Variants in RAB3IP observed in about 807,000 individuals in gnomAD.
The protein encoded by RAB3IP is rab-3A-interacting protein.
RAB3IP carries 36 observed loss-of-function variants against 59.1 expected under a neutral mutation model. The ratio of observed to expected loss-of-function variants is 0.61; its 90% CI spans 0.47 to 0.80. The LOEUF is 0.80. Among genes scored for constraint, RAB3IP ranks in the 30% least tolerant of loss-of-function variants. The pLI, the probability that RAB3IP is intolerant of heterozygous loss-of-function variation, is 0.00. For synonymous variants in RAB3IP, 207 were observed against 191.2 expected (o/e 1.08, Z -0.68); for missense variants, 511 against 536.0 (o/e 0.95, Z 0.46).
Position 69,812,792 on chromosome 12 carries a change from C to T in RAB3IP, c.1145C>T (p.Thr382Ile), listed in dbSNP as rs931084273. ...TTATTTCACAGAAAATGTGCTCTCA[C>T]TGGCCAGAGTAAGTCCTGTAAACAC... The part of the protein sequence containing the change: ...ECGGPKKCAL[T>I]GQSKSCKHRI... The change falls in exon 9 of 11, where the codon ACT (threonine) becomes ATT (isoleucine). Residue 382 changes from threonine (T) to isoleucine (I), a missense_variant. Physicochemically the swap from Thr to Ile is moderately conservative, Grantham distance 89. Transcript: ENST00000247833. 2 of 1,607,942 alleles carry T rather than the reference C, an allele frequency of 1.2e-6. No homozygotes were observed. Among genetic ancestry groups the T allele is most frequent in the Non-Finnish European group, 1.7e-6 (2 of 1,176,906 alleles).
chr12:69,782,371 A>ATC, intron 3 of RAB3IP, among the ~76,000 whole-genome samples: 1 of 152,026 alleles, frequency 6.6e-6, no homozygotes, highest in Non-Finnish European at 1.5e-5. Context: ...CACCATGTTG[A>ATC]TCAAGCTGGT....
At chr12:69,812,402 G>T (rs1008330180) in intron 8 of RAB3IP, 2 of 179,602 alleles carry the variant, frequency 1.1e-5, no homozygotes, top group Non-Finnish European at 2.3e-5. Context: ...CATGCTTTGA[G>T]ACTTGAACAG....
intron 4 of RAB3IP, among the ~76,000 whole-genome samples, chr12:69,790,050 G>A (rs1377984131): frequency 1.3e-5 from 2 of 152,060 alleles, no homozygotes; most frequent in African/African-American, 4.8e-5. Flanking sequence ...CACCATTTCT[G>A]TACAGCACAG....
chr12:69,760,691 AT>A (rs879871859), intron 3 of RAB3IP, among the ~76,000 whole-genome samples: 1,698 of 145,558 alleles, frequency 0.012, 28 homozygotes, highest in African/African-American at 0.037. Flanking sequence ...AAGATTGATA[AT>A]TTTTTTTTTT....
chr12:69,759,375 G>A (rs1195615352), intron 3 of RAB3IP, among the ~76,000 whole-genome samples: 1 of 152,118 alleles, frequency 6.6e-6, no homozygotes, highest in African/African-American at 2.4e-5. Flanking sequence ...AGTCTCCTAT[G>A]TCTACTTCTT....
At chr12:69,806,371 T>G (rs1438726047) in intron 8 of RAB3IP, among the ~76,000 whole-genome samples, 1 of 152,164 alleles carries the variant, frequency 6.6e-6, no homozygotes, top group Non-Finnish European at 1.5e-5. Context: ...ATTGCACCTA[T>G]TTGATTCTTC....
chr12:69,754,733 A>G (rs1260181974), intron 1 of RAB3IP, among the ~76,000 whole-genome samples: 2 of 152,234 alleles, frequency 1.3e-5, no homozygotes, highest in East Asian at 1.9e-4. Flanking sequence ...CATGTTGTAC[A>G]TGATAAATAC....
intron 8 of RAB3IP, among the ~76,000 whole-genome samples, chr12:69,804,699 C>T (rs971015761): frequency 3.3e-5 from 5 of 151,882 alleles, no homozygotes; most frequent in Non-Finnish European, 7.4e-5. Context: ...GATCCAGTTT[C>T]AGCTTTCTAC....
intron 1 of RAB3IP, among the ~76,000 whole-genome samples, chr12:69,752,859 T>G (rs1395272336): frequency 6.6e-6 from 1 of 152,228 alleles, no homozygotes; most frequent in East Asian, 1.9e-4. Context: ...TGAAAATGAA[T>G]TATGTACTTT....
intron 7 of RAB3IP, among the ~76,000 whole-genome samples, chr12:69,801,178 C>T (rs963477828): frequency 9.2e-5 from 14 of 152,144 alleles, no homozygotes; most frequent in Admixed American, 7.2e-4. Context: ...TAGACTCACT[C>T]TTGTGCACAT....
rs1319249010 is a variant in RAB3IP, at chr12:69,821,989, C to T, written c.*6543C>T. 1.3e-5 allele frequency: 2 copies of T among 152,182 alleles called. No homozygotes were observed. Among genetic ancestry groups the T allele is most frequent in the East Asian group, 3.9e-4 (2 of 5,186 alleles). 9.4% of individuals were successfully genotyped at this position (152,182 alleles called of 1,614,324 possible). A position where few individuals can be genotyped will look rare whatever the true frequency, so the allele number is the denominator to read the frequency against. On this transcript the variant is annotated 3_prime_UTR_variant, in exon 11 of 11. Coordinates refer to ENST00000247833, the MANE Select transcript of RAB3IP (RefSeq NM_022456.5). ...CTCATTTCTATGATGCTTCCTGTCA[C>T]ATCACTGTGCTGCTGAGAACATGAA...
intron 2 of RAB3IP, 126 bp downstream of exon 2, chr12:69,755,785 C>G: frequency 1.4e-6 from 1 of 726,652 alleles, no homozygotes; most frequent in South Asian, 1.9e-5. Flanking sequence ...TAAAGAAATA[C>G]ATGACCTGAT....
chr12:69,796,181 T>G (rs1161365941), intron 6 of RAB3IP: 2 of 152,334 alleles, frequency 1.3e-5, no homozygotes, highest in African/African-American at 4.8e-5. Flanking sequence ...ATGCTTATAA[T>G]CCCAGCTACT....
At chr12:69,797,912 C>G (rs1409633497) in intron 6 of RAB3IP, among the ~76,000 whole-genome samples, 1 of 152,102 alleles carries the variant, frequency 6.6e-6, no homozygotes, top group Non-Finnish European at 1.5e-5. Context: ...TTTTCTTAAT[C>G]CAGTCTATCA....
At chr12:69,743,633 AT>A (rs1887558396) in intron 1 of RAB3IP, among the ~76,000 whole-genome samples, 2 of 152,242 alleles carry the variant, frequency 1.3e-5, no homozygotes, top group South Asian at 4.1e-4. Flanking sequence ...GAGAGATTAA[AT>A]GACTTGCGTC....
At chr12:69,800,465 T>G (rs1878203647) in intron 7 of RAB3IP, 128 bp downstream of exon 7, 2 of 612,332 alleles carry the variant, frequency 3.3e-6, no homozygotes, top group Admixed American at 4.0e-5. Context: ...GTTTTGCTAT[T>G]TTTGCCATTC....
intron 4 of RAB3IP, among the ~76,000 whole-genome samples, chr12:69,785,636 A>C (rs1875520376): frequency 6.6e-6 from 1 of 152,196 alleles, no homozygotes; most frequent in African/African-American, 2.4e-5. Context: ...TGTTCTATTC[A>C]GGCCATCAAC....
At chr12:69,771,267 A>T (rs1375065507) in intron 3 of RAB3IP, among the ~76,000 whole-genome samples, 14 of 152,204 alleles carry the variant, frequency 9.2e-5, no homozygotes, top group Admixed American at 9.2e-4. Flanking sequence ...GTAGTGGCTT[A>T]TGCCTGTAAT....
At chr12:69,799,083 C>G (rs911997213) in intron 6 of RAB3IP, among the ~76,000 whole-genome samples, 1 of 152,076 alleles carries the variant, frequency 6.6e-6, no homozygotes, top group Non-Finnish European at 1.5e-5. Flanking sequence ...TATCCTGTTG[C>G]TTTTGCTTTG....
Sources: gnomAD v4.1 joint callset for allele counts (sites outside exome capture counted in the v4.1 genomes callset) on GRCh38, gnomAD v4.1.1 for gene constraint, MANE v1.5 for transcripts, NCBI Gene and HGNC (gene_info 2026-07-23, HGNC 2026-07-21) for gene names.